MAP2K1: variants seen among roughly 807,000 people sequenced by gnomAD.
MAP2K1 encodes mitogen-activated protein kinase kinase 1, also known as dual specificity mitogen-activated protein kinase kinase 1.
MAP2K1 carries 16 observed loss-of-function variants against 46.3 expected under a neutral mutation model. The observed-to-expected ratio is 0.35, with a 90% CI of 0.23 to 0.52. MAP2K1 has a LOEUF of 0.52. Among genes scored for constraint, MAP2K1 ranks in the 20% least tolerant of loss-of-function variants. MAP2K1 has a pLI of 0.94. For missense variants in MAP2K1, 263 were observed against 497.1 expected (o/e 0.53, Z 4.48); for synonymous variants, 183 against 185.6 (o/e 0.99, Z 0.11).
chr15:66,393,561 C>T (rs1175493009), intron 1 of MAP2K1, among the ~76,000 whole-genome samples: 2 of 152,102 alleles, frequency 1.3e-5, no homozygotes, highest in Admixed American at 1.3e-4. Context: ...TTTCTTTGAC[C>T]TTGGGCAAGT....
chr15:66,471,636 A>G (rs1020623575), intron 5 of MAP2K1, among the ~76,000 whole-genome samples: 4 of 143,060 alleles, frequency 2.8e-5, no homozygotes, highest in Non-Finnish European at 4.5e-5. Flanking sequence ...ATGAACTTGA[A>G]TTAGCTCAAA....
intron 5 of MAP2K1, among the ~76,000 whole-genome samples, chr15:66,472,298 C>G (rs564350662): frequency 8.5e-6 from 1 of 117,912 alleles, no homozygotes; most frequent in East Asian, 2.5e-4. Context: ...TGTGAGACTT[C>G]GTCTCAAAAA....
At chr15:66,469,705 C>CAG (rs1314348656) in intron 5 of MAP2K1, among the ~76,000 whole-genome samples, 15 of 140,888 alleles carry the variant, frequency 1.1e-4, no homozygotes, top group African/African-American at 3.3e-4. Context: ...CACACACACA[C>CAG]ACACACACAC....
intron 1 of MAP2K1, among the ~76,000 whole-genome samples, chr15:66,424,676 G>T (rs988509293): frequency 6.6e-6 from 1 of 151,906 alleles, no homozygotes; most frequent in Admixed American, 6.6e-5. Context: ...GCCACAAAGG[G>T]ACTCTTTCTC....
At chr15:66,473,706 C>T (rs986460113) in intron 5 of MAP2K1, among the ~76,000 whole-genome samples, 1 of 152,096 alleles carries the variant, frequency 6.6e-6, no homozygotes, top group Non-Finnish European at 1.5e-5. Context: ...GAGACAAAGT[C>T]TCGCTCTGTC....
At chr15:66,474,113 CAG>C (rs1892702625) in intron 5 of MAP2K1, among the ~76,000 whole-genome samples, 1 of 151,988 alleles carries the variant, frequency 6.6e-6, no homozygotes, top group Admixed American at 6.6e-5. Context: ...AGTGAATTGG[CAG>C]AGAGGGGTGT....
At chr15:66,444,854 G>A in intron 5 of MAP2K1, 147 bp downstream of exon 5, 2 of 728,502 alleles carry the variant, frequency 2.7e-6, no homozygotes, top group African/African-American at 1.8e-5. Context: ...GTTTAGTTTG[G>A]TGGCTGAGGC....
intron 1 of MAP2K1, among the ~76,000 whole-genome samples, chr15:66,406,766 C>G (rs1281743634): frequency 1.3e-5 from 2 of 152,130 alleles, no homozygotes; most frequent in Non-Finnish European, 2.9e-5. Flanking sequence ...TGCGGTGGCT[C>G]ACACCTGTAA....
At chr15:66,457,964 A>T (rs77129590) in intron 5 of MAP2K1, among the ~76,000 whole-genome samples, 2 of 123,638 alleles carry the variant, frequency 1.6e-5, no homozygotes, top group African/African-American at 5.8e-5. Flanking sequence ...ACTGTCTCAG[A>T]AAAAAAAAAA....
intron 1 of MAP2K1, among the ~76,000 whole-genome samples, chr15:66,398,033 C>T (rs1222007685): frequency 2.6e-5 from 4 of 151,410 alleles, no homozygotes; most frequent in African/African-American, 4.9e-5. Flanking sequence ...ATCCAGGAGG[C>T]GGAGGTTGCA....
rs562497938 is a variant in MAP2K1 at position 66,471,363 on chromosome 15, T to C, written c.569-10392T>C. 3.3e-5 allele frequency among the ~76,000 whole-genome samples: 5 copies of C among 152,338 alleles called. No homozygotes were observed. The South Asian group carries it at 8.3e-4, about 25-fold the overall frequency. On this transcript the variant is annotated intron_variant, in intron 5 of 10. Transcript: ENST00000307102. Reference sequence around the variant, plus strand: ...CACATTTAAAGCCTCCTGATTTGAGTACTTAGTACCTGCCAGACATTAGCA... The same window carrying C: ...CACATTTAAAGCCTCCTGATTTGAGCACTTAGTACCTGCCAGACATTAGCA...
rs773523045 is a variant in MAP2K1 at position 66,436,730 on chromosome 15, T to C, written c.292-16T>C. On this transcript the variant is annotated splice_polypyrimidine_tract_variant and intron_variant, in intron 2 of 10. Transcript: ENST00000307102. The stretch of plus-strand genomic sequence containing the variant: ...CTTTCTTTCATAAAACCTCTCTTTC[T>C]TCCACCTTTCTCCAGCTAATTCATC... 1 of 1,613,804 alleles carries C rather than the reference T, an allele frequency of 6.2e-7. No homozygotes were observed. The highest frequency in any genetic ancestry group is 1.1e-5 in the South Asian group (1 of 91,078).
chr15:66,396,678 A>G (rs1051636506), intron 1 of MAP2K1, among the ~76,000 whole-genome samples: 1 of 151,972 alleles, frequency 6.6e-6, no homozygotes, highest in Non-Finnish European at 1.5e-5. Context: ...CTACTTAGTT[A>G]TAATAGTTCT....
intron 1 of MAP2K1, among the ~76,000 whole-genome samples, chr15:66,421,032 A>G (rs1211646414): frequency 1.1e-4 from 17 of 149,618 alleles, no homozygotes; most frequent in African/African-American, 4.2e-4. Context: ...TAATTTTTAT[A>G]TGTACAATTT....
At chr15:66,458,425 C>T (rs1400274392) in intron 5 of MAP2K1, among the ~76,000 whole-genome samples, 2 of 152,216 alleles carry the variant, frequency 1.3e-5, no homozygotes, top group East Asian at 1.9e-4. Context: ...AATTATAACT[C>T]AACTTGTTTT....
chr15:66,455,262 C>G (rs1051123779), intron 5 of MAP2K1, among the ~76,000 whole-genome samples: 3 of 152,106 alleles, frequency 2.0e-5, no homozygotes, highest in African/African-American at 7.2e-5. Flanking sequence ...TCTGAGTGTG[C>G]CCTGCTCTAA....
intron 2 of MAP2K1, 56 bp downstream of exon 2, chr15:66,435,293 C>A (rs2140580457): frequency 2.8e-6 from 4 of 1,405,806 alleles, no homozygotes; most frequent in South Asian, 1.2e-5. Context: ...ACTTAGAAGC[C>A]TGGGGACCAG....
intron 5 of MAP2K1, among the ~76,000 whole-genome samples, chr15:66,448,378 G>GT (rs1376323234): frequency 2.0e-5 from 3 of 152,158 alleles, no homozygotes; most frequent in Non-Finnish European, 4.4e-5. Flanking sequence ...GTAAGTGCTG[G>GT]TTCTAATGCT....
intron 8 of MAP2K1, chr15:66,488,967 G>A (rs1439900252): frequency 1.7e-6 from 1 of 586,888 alleles, no homozygotes; most frequent in Non-Finnish European, 3.0e-6. Flanking sequence ...CGACAAGTGA[G>A]TGGACTTGAC....
Sources: gnomAD v4.1 joint callset for allele counts (sites outside exome capture counted in the v4.1 genomes callset) on GRCh38, gnomAD v4.1.1 for gene constraint, MANE v1.5 for transcripts, NCBI Gene and HGNC (gene_info 2026-07-23, HGNC 2026-07-21) for gene names.